METTL9: variants seen among roughly 807,000 people sequenced by gnomAD.
The protein encoded by METTL9 is methyltransferase 9, His-X-His N1(pi)-histidine, also known as protein-L-histidine N-pros-methyltransferase.
A neutral mutation model predicts 36.0 loss-of-function variants in METTL9; 10 were observed. That is an observed-to-expected ratio of 0.28 (90% CI 0.17 to 0.47). The LOEUF is 0.47. Ranked by LOEUF, METTL9 falls within the 20% of genes least tolerant of loss-of-function variation. METTL9 has a pLI of 0.99. For missense variants in METTL9, 246 were observed against 383.5 expected, an observed-to-expected ratio of 0.64 and a Z score of 3.00; for synonymous variants, 175 against 149.7, an observed-to-expected ratio of 1.17 and a Z score of -1.23.
At chr16:21,612,425 G>A in intron 1 of METTL9, 1 of 418,416 alleles carries the variant, frequency 2.4e-6, no homozygotes, top group Non-Finnish European at 4.0e-6. Context: ...CTACCTTGAG[G>A]GCTGTAAGAG....
chr16:21,606,201 G>A (rs1236761654), intron 1 of METTL9, among the ~76,000 whole-genome samples: 2 of 152,124 alleles, frequency 1.3e-5, no homozygotes, highest in East Asian at 1.9e-4. Flanking sequence ...GCTGGGCGTG[G>A]TGGCACGTGC....
At chr16:21,636,770 C>T (rs1177977879) in intron 4 of METTL9, among the ~76,000 whole-genome samples, 1 of 152,172 alleles carries the variant, frequency 6.6e-6, no homozygotes, top group African/African-American at 2.4e-5. Context: ...TGTCTTTAGC[C>T]CGGTGGCTGC....
At chr16:21,633,514 A>G (rs186880866) in intron 4 of METTL9, among the ~76,000 whole-genome samples, 1 of 152,308 alleles carries the variant, frequency 6.6e-6, no homozygotes, top group Admixed American at 6.5e-5. Context: ...GGGATCCTCA[A>G]AGGCAAAGAG....
At chr16:21,639,154 T>A (rs770959749) in intron 4 of METTL9, among the ~76,000 whole-genome samples, 1 of 152,194 alleles carries the variant, frequency 6.6e-6, no homozygotes, top group South Asian at 2.1e-4. Context: ...GATGAATAAA[T>A]GAATGAATAC....
intron 3 of METTL9, among the ~76,000 whole-genome samples, chr16:21,622,053 G>T (rs1366058192): frequency 3.3e-5 from 5 of 149,714 alleles, no homozygotes; most frequent in Admixed American, 6.7e-5. Context: ...GTGTTGCCCA[G>T]CTGGTCTTGA....
chr16:21,606,689 A>G (rs1965296972), intron 1 of METTL9, among the ~76,000 whole-genome samples: 2 of 152,134 alleles, frequency 1.3e-5, no homozygotes, highest in South Asian at 4.1e-4. Flanking sequence ...ATCAGGAGTC[A>G]TCCTGTTAGC....
At chr16:21,602,386 A>T (rs1432059292) in intron 1 of METTL9, among the ~76,000 whole-genome samples, 1 of 152,164 alleles carries the variant, frequency 6.6e-6, no homozygotes, top group African/African-American at 2.4e-5. Context: ...AGCTGCTCTA[A>T]AACTGTAGTA....
At chr16:21,605,981 A>G (rs1965275957) in intron 1 of METTL9, among the ~76,000 whole-genome samples, 1 of 152,108 alleles carries the variant, frequency 6.6e-6, no homozygotes, top group Non-Finnish European at 1.5e-5. Flanking sequence ...GGGAGTTCCC[A>G]CAACTCTACC....
At position 21,605,257 on chromosome 16, in the gene METTL9, C is replaced by CTT. The variant is rs3046231; in HGVS notation, c.165+5397_165+5398dup. Among the ~76,000 whole-genome samples the CTT allele has an allele frequency of 1.2e-3, 59 of 51,238 alleles. 16 individuals are homozygous for CTT. Among genetic ancestry groups the CTT allele is most frequent in the Non-Finnish European group, 1.4e-3 (36 of 25,858 alleles). 33.6% of individuals were successfully genotyped at this position (51,238 alleles called of 152,430 possible). The stretch of plus-strand genomic sequence containing the variant: ...GGGGTGGTAAAAATAGGCTTGCCTT[C>CTT]TTTTTTTTTTTTTTTTTTTTTTTTT... On this transcript the variant is annotated intron_variant, in intron 1 of 4. Transcript: ENST00000358154.
At chr16:21,635,216 G>T (rs1966058708) in intron 4 of METTL9, among the ~76,000 whole-genome samples, 1 of 152,128 alleles carries the variant, frequency 6.6e-6, no homozygotes, top group South Asian at 2.1e-4. Context: ...GCCTTGATCT[G>T]CTTTAAATCA....
intron 4 of METTL9, chr16:21,654,898 A>AC (rs1286168164): frequency 1.7e-5 from 5 of 301,330 alleles, no homozygotes; most frequent in Non-Finnish European, 2.5e-5. Flanking sequence ...TAACCATTAC[A>AC]CCCTGCAGTC....
chr16:21,641,440 A>AT (rs141804055), intron 4 of METTL9: 6,353 of 596,114 alleles, frequency 0.011, 169 homozygotes, highest in East Asian at 0.066. Flanking sequence ...GTTTACCTTT[A>AT]TTTTTTTTTA....
chr16:21,651,081 G>GGC (rs1177515389), intron 4 of METTL9, among the ~76,000 whole-genome samples: 1 of 152,054 alleles, frequency 6.6e-6, no homozygotes, highest in African/African-American at 2.4e-5. Flanking sequence ...AAATTAGCCG[G>GGC]GTGTGGTGGC....
intron 4 of METTL9, among the ~76,000 whole-genome samples, chr16:21,636,183 CACTT>C (rs1179213142): frequency 8.5e-5 from 13 of 152,246 alleles, no homozygotes; most frequent in African/African-American, 2.9e-4. Flanking sequence ...CTTTTGTCCT[CACTT>C]ATATGAATAG....
In METTL9 at chr16:21,656,117, T is replaced by TA. The variant is rs560567944; in HGVS notation, c.*697dup. The TA allele has an allele frequency of 6.1e-3, 843 of 137,546 alleles. 4 individuals are homozygous for TA. The highest frequency in any genetic ancestry group is 0.029 in the East Asian group (138 of 4,774). 8.5% of individuals were successfully genotyped at this position (137,546 alleles called of 1,614,324 possible). Reference sequence around the variant, plus strand: ...CAAATTGCAGTGAACACTGAGTCAGTAAAAAAAAAAAACAGAAACAAAAAC... The same window carrying TA: ...CAAATTGCAGTGAACACTGAGTCAGTAAAAAAAAAAAAACAGAAACAAAAAC... On this transcript the variant is annotated 3_prime_UTR_variant, in exon 5 of 5. Transcript: ENST00000358154.
intron 4 of METTL9, among the ~76,000 whole-genome samples, chr16:21,626,368 C>T (rs1035826185): frequency 1.3e-5 from 2 of 152,086 alleles, no homozygotes; most frequent in Non-Finnish European, 2.9e-5. Flanking sequence ...TTCATATAAC[C>T]ATTGGATTCT....
At position 21,617,929 on chromosome 16, in the gene METTL9, A is replaced by C. The variant is rs372270659; in HGVS notation, c.421A>C (p.Asn141His). The C allele has an allele frequency of 6.2e-7, 1 of 1,613,938 alleles. No individual in the cohort carries two copies. The highest frequency in any genetic ancestry group is 8.5e-7 in the Non-Finnish European group (1 of 1,179,992). The change falls in exon 3 of 5, where the codon AAT (asparagine) becomes CAT (histidine). Residue 141 changes from asparagine to histidine, a missense_variant. This residue lies in a region of METTL9 where 146 missense variants were observed against 302.1 expected (regional missense o/e 0.48). Transcript: ENST00000358154. Reference protein sequence around the residue: ...PDQFQRLLKINPDWKTHRLLD... With the variant: ...PDQFQRLLKIHPDWKTHRLLD... Reference sequence around the variant, plus strand: ...TCAGTTTCAGAGACTGCTTAAAATTAATCCAGACTGGAAAACCCACAGACT... The same window carrying C: ...TCAGTTTCAGAGACTGCTTAAAATTCATCCAGACTGGAAAACCCACAGACT...
intron 4 of METTL9, chr16:21,652,456 TA>T: frequency 8.5e-7 from 1 of 1,177,166 alleles, no homozygotes; most frequent in Non-Finnish European, 1.2e-6. Flanking sequence ...TGAAGGAGCT[TA>T]AAATATAAAT....
intron 4 of METTL9, among the ~76,000 whole-genome samples, chr16:21,650,758 T>A (rs1041096327): frequency 6.6e-6 from 1 of 152,034 alleles, no homozygotes. Flanking sequence ...GGCAACCTAT[T>A]AACAAAAAAG....
Sources: gnomAD v4.1 joint callset for allele counts (sites outside exome capture counted in the v4.1 genomes callset) on GRCh38, gnomAD v4.1.1 for gene constraint, gnomAD v4.1.1 regional missense constraint, MANE v1.5 for transcripts, NCBI Gene and HGNC (gene_info 2026-07-23, HGNC 2026-07-21) for gene names.